TNFSF4: variants seen among roughly 807,000 people sequenced by gnomAD.
The protein encoded by TNFSF4 is tumor necrosis factor ligand superfamily member 4.
In TNFSF4, 4 loss-of-function variants were observed where a neutral mutation model predicts 7.3. The ratio of observed to expected loss-of-function variants is 0.55; its 90% CI spans 0.27 to 1.25. TNFSF4 has a LOEUF of 1.25. TNFSF4 is among the 50% of genes most tolerant of loss of function. The pLI, the probability that TNFSF4 is intolerant of heterozygous loss-of-function variation, is 0.12. For synonymous variants in TNFSF4, 76 were observed against 83.7 expected (o/e 0.91, Z 0.50); for missense variants, 181 against 208.8 (o/e 0.87, Z 0.82).
the TNFSF4 span, among the ~76,000 whole-genome samples, chr1:173,431,386 AC>A: frequency 2.0e-5 from 3 of 152,206 alleles, no homozygotes; most frequent in East Asian, 5.8e-4. Flanking sequence ...CGCTCTCAGC[AC>A]ACTGGGACGG....
chr1:173,356,156 G>A, the TNFSF4 span, among the ~76,000 whole-genome samples: 1 of 152,196 alleles, frequency 6.6e-6, no homozygotes, highest in African/African-American at 2.4e-5. Context: ...CTTAATGTGG[G>A]GGAGGGATGC....
chr1:173,178,442 C>T, the TNFSF4 span, among the ~76,000 whole-genome samples: 7 of 152,052 alleles, frequency 4.6e-5, no homozygotes, highest in Non-Finnish European at 7.4e-5. Flanking sequence ...GGCGTGGTAG[C>T]TGGCGCCTGT....
chr1:173,206,883 A>T (rs773617275), intron 1 of TNFSF4, 141 bp downstream of exon 1: 6 of 973,530 alleles, frequency 6.2e-6, no homozygotes, highest in Admixed American at 3.0e-5. Context: ...GCGTTTAACC[A>T]CACTTTACGA....
chr1:173,211,629 C>T (rs1650373945), upstream of TNFSF4, among the ~76,000 whole-genome samples: 2 of 152,304 alleles, frequency 1.3e-5, no homozygotes, highest in South Asian at 2.1e-4. Context: ...CTGCCTCAAA[C>T]ACCCTTACCC....
At chr1:173,303,558 A>G in the TNFSF4 span, among the ~76,000 whole-genome samples, 1 of 151,926 alleles carries the variant, frequency 6.6e-6, no homozygotes, top group Non-Finnish European at 1.5e-5. Flanking sequence ...CTCCTGCTCT[A>G]TCACCTAGTT....
At chr1:173,267,905 G>GGAGAA in the TNFSF4 span, among the ~76,000 whole-genome samples, 1 of 132,880 alleles carries the variant, frequency 7.5e-6, no homozygotes, top group Non-Finnish European at 1.7e-5. Context: ...GGAGAGGAGA[G>GGAGAA]GAAAGAGAAG....
chr1:173,316,361 G>T, the TNFSF4 span, among the ~76,000 whole-genome samples: 4,149 of 152,102 alleles, frequency 0.027, 110 homozygotes, highest in East Asian at 0.13. Flanking sequence ...GAATAAACTT[G>T]GTTAGATGGG....
At chr1:173,310,688 T>A in the TNFSF4 span, among the ~76,000 whole-genome samples, 1 of 151,534 alleles carries the variant, frequency 6.6e-6, no homozygotes, top group Non-Finnish European at 1.5e-5. Flanking sequence ...TTTTTCTTTG[T>A]CTGTTATTGT....
the TNFSF4 span, among the ~76,000 whole-genome samples, chr1:173,265,080 C>T: frequency 2.0e-5 from 3 of 152,176 alleles, no homozygotes; most frequent in African/African-American, 7.2e-5. Context: ...CCAGAGGAGA[C>T]TTCTCTAATA....
chr1:173,338,148 C>G, the TNFSF4 span, among the ~76,000 whole-genome samples: 1 of 152,184 alleles, frequency 6.6e-6, no homozygotes, highest in African/African-American at 2.4e-5. Context: ...CCTGAGTCCC[C>G]AGCATGGTAC....
At chr1:173,243,383 C>T in the TNFSF4 span, among the ~76,000 whole-genome samples, 16 of 152,164 alleles carry the variant, frequency 1.1e-4, no homozygotes, top group Non-Finnish European at 2.2e-4. Context: ...CCACAGTCCT[C>T]TTAAGAGCTT....
the TNFSF4 span, among the ~76,000 whole-genome samples, chr1:173,445,089 T>G: frequency 3.9e-5 from 6 of 152,204 alleles, no homozygotes; most frequent in African/African-American, 1.2e-4. Context: ...GTAGTACAGA[T>G]AGAAGTGAAA....
chr1:173,303,195 T>C, the TNFSF4 span, among the ~76,000 whole-genome samples: 1 of 152,000 alleles, frequency 6.6e-6, no homozygotes, highest in Middle Eastern at 3.4e-3. Context: ...GTCTCTTTGT[T>C]GTGCTTATCT....
At position 173,207,127 on chromosome 1, in the gene TNFSF4, G is replaced by C; in HGVS notation, c.50C>G (p.Pro17Arg). Residue 17 changes from proline to arginine, a missense_variant, in exon 1 of 3, where the codon CCA becomes CGA. Pro to Arg is a moderately radical substitution (Grantham distance 103). Coordinates refer to ENST00000281834, the MANE Select transcript of TNFSF4 (RefSeq NM_003326.5). Reference protein sequence around the residue: ...LEENVGNAARPRFERNKLLLV... With the variant: ...LEENVGNAARRRFERNKLLLV... ...CAATAGCTTGTTCCTCTCGAATCTT[G>C]GCCTGGCTGCATTTCCCACATTCTC... The C allele has an allele frequency of 5.0e-6, 8 of 1,613,720 alleles. No homozygotes were observed. The highest frequency in any genetic ancestry group is 6.8e-6 in the Non-Finnish European group (8 of 1,179,808).
the TNFSF4 span, among the ~76,000 whole-genome samples, chr1:173,350,829 T>C: frequency 6.6e-6 from 1 of 152,180 alleles, no homozygotes; most frequent in Non-Finnish European, 1.5e-5. Context: ...AATGACCCCT[T>C]GGCCAGATGT....
At chr1:173,213,350 A>C in the TNFSF4 span, among the ~76,000 whole-genome samples, 1 of 152,090 alleles carries the variant, frequency 6.6e-6, no homozygotes, top group Admixed American at 6.6e-5. Context: ...ATGATGACAG[A>C]TTCTAAAACT....
At chr1:173,231,570 A>T in the TNFSF4 span, among the ~76,000 whole-genome samples, 1 of 152,342 alleles carries the variant, frequency 6.6e-6, no homozygotes, top group South Asian at 2.1e-4. Flanking sequence ...ACTCCTATTC[A>T]ACGTAGTGTT....
the TNFSF4 span, among the ~76,000 whole-genome samples, chr1:173,236,708 T>C: frequency 2.6e-5 from 4 of 151,936 alleles, no homozygotes; most frequent in South Asian, 2.1e-4. Flanking sequence ...CAGGAGGACA[T>C]AATATTAAGT....
chr1:173,432,664 CAA>C, the TNFSF4 span, among the ~76,000 whole-genome samples: 3 of 151,132 alleles, frequency 2.0e-5, no homozygotes, highest in African/African-American at 7.3e-5. Flanking sequence ...GACTAATAAA[CAA>C]GAGGTTATGG....
Sources: allele counts gnomAD v4.1 joint callset (sites outside exome capture counted in the v4.1 genomes callset), GRCh38; gene constraint gnomAD v4.1.1; transcripts MANE v1.5; gene names NCBI Gene and HGNC (gene_info 2026-07-23, HGNC 2026-07-21).